TMCC3: variants seen among roughly 807,000 people sequenced by gnomAD.
TMCC3 encodes transmembrane and coiled-coil domain family 3, also known as transmembrane and coiled-coil domain protein 3.
TMCC3 carries 28 observed loss-of-function variants against 40.2 expected under a neutral mutation model. The observed-to-expected ratio is 0.70, with a 90% confidence interval of 0.52 to 0.95. The LOEUF (loss-of-function observed/expected upper bound fraction) is 0.95, where lower values mean the gene tolerates loss of function less well. Ranked by LOEUF, TMCC3 falls within the 40% of genes least tolerant of loss-of-function variation. The pLI is 0.00. For missense variants in TMCC3, 554 were observed against 615.2 expected, an observed-to-expected ratio of 0.90 and a Z score of 1.05; for synonymous variants, 255 against 248.5, an observed-to-expected ratio of 1.03 and a Z score of -0.25.
chr12:94,592,192 C>G (rs895209474), intron 1 of TMCC3, among the ~76,000 whole-genome samples: 4 of 152,150 alleles, frequency 2.6e-5, no homozygotes, highest in Non-Finnish European at 4.4e-5. Context: ...TTTCATAGTT[C>G]AGGTCTGACA....
intron 1 of TMCC3, among the ~76,000 whole-genome samples, chr12:94,592,819 A>G (rs563869350): frequency 5.3e-5 from 8 of 152,056 alleles, no homozygotes; most frequent in African/African-American, 1.4e-4. Context: ...AGTGTAAAGG[A>G]GATTAGGCAG....
intron 1 of TMCC3, among the ~76,000 whole-genome samples, chr12:94,630,737 T>C (rs1432257590): frequency 6.6e-6 from 1 of 152,184 alleles, no homozygotes; most frequent in Non-Finnish European, 1.5e-5. Flanking sequence ...TTTTGTTTTG[T>C]TTTGTTTTTG....
chr12:94,629,347 G>A (rs1401080291), intron 1 of TMCC3, among the ~76,000 whole-genome samples: 1 of 152,184 alleles, frequency 6.6e-6, no homozygotes, highest in Non-Finnish European at 1.5e-5. Context: ...GGTGGACTCT[G>A]GGGGAGTTCT....
intron 1 of TMCC3, among the ~76,000 whole-genome samples, chr12:94,625,277 AACGATAACACTG>A (rs2068897882): frequency 6.6e-6 from 1 of 151,818 alleles, no homozygotes; most frequent in South Asian, 2.1e-4. Flanking sequence ...ACACAGGTCA[AACGATAACACTG>A]ACTTTAATAG....
chr12:94,601,285 C>T (rs1016569693), intron 1 of TMCC3, among the ~76,000 whole-genome samples: 6 of 152,024 alleles, frequency 3.9e-5, no homozygotes, highest in Non-Finnish European at 4.4e-5. Context: ...GAGGCTGAGG[C>T]GGGCAGATCA....
rs1407882301 is a variant in TMCC3 at position 94,568,394 on chromosome 12, T to C, written c.*3041A>G. The C allele has an allele frequency of 1.3e-5, 2 of 152,046 alleles. No homozygotes were observed. The allele number at this position is 152,046 out of a possible 1,614,324, so 9.4% of individuals were successfully genotyped here. ...ATAAACCCAGTGCTAGAATCCAATG[T>C]CCAGCATCTTCAACCACTCAGGAGT... is the stretch of plus-strand genomic sequence containing the variant. On this transcript the variant is annotated 3_prime_UTR_variant, in exon 4 of 4. Coordinates refer to ENST00000261226, the MANE Select transcript of TMCC3 (RefSeq NM_020698.4).
At chr12:94,579,745 C>T (rs184118431) in intron 2 of TMCC3, among the ~76,000 whole-genome samples, 1 of 152,310 alleles carries the variant, frequency 6.6e-6, no homozygotes, top group Admixed American at 6.5e-5. Flanking sequence ...AATGCTGCTA[C>T]TGCTGTGAAT....
chr12:94,626,517 CTT>C (rs2068904966), intron 1 of TMCC3, among the ~76,000 whole-genome samples: 1 of 152,230 alleles, frequency 6.6e-6, no homozygotes, highest in South Asian at 2.1e-4. Flanking sequence ...AAAAGTCCTG[CTT>C]TCTGTTGAAA....
chr12:94,648,011 TA>T (rs370870430), intron 1 of TMCC3, among the ~76,000 whole-genome samples: 2 of 152,300 alleles, frequency 1.3e-5, no homozygotes, highest in African/African-American at 4.8e-5. Context: ...AGCATCACTG[TA>T]GTAGAATTTG....
chr12:94,582,372 A>T lies in TMCC3; in HGVS notation c.245T>A (p.Ile82Lys), dbSNP rs2068609591. The T allele has an allele frequency of 4.3e-6, 7 of 1,613,694 alleles. No homozygotes were observed. Among genetic ancestry groups the T allele is most frequent in the Non-Finnish European group, 5.9e-6 (7 of 1,179,970 alleles). ...KQKILKVTEQ[I>K]KIEQTSRDGN... is the part of the protein sequence containing the mutation. ...ATCGCGCGATGTTTGCTCAATTTTT[A>T]TCTGCTCTGTTACCTTTAGAATTTT... Residue 82 changes from isoleucine (I) to lysine (K), a missense_variant, in exon 2 of 4, where the codon ATA becomes AAA. By Grantham distance (102) the Ile-to-Lys change is moderately radical. Coordinates refer to ENST00000261226, the MANE Select transcript of TMCC3 (RefSeq NM_020698.4).
At chr12:94,580,260 C>T (rs1328095872) in intron 2 of TMCC3, among the ~76,000 whole-genome samples, 1 of 152,168 alleles carries the variant, frequency 6.6e-6, no homozygotes, top group Non-Finnish European at 1.5e-5. Context: ...TTTGGGCTTA[C>T]ACACTTTGTG....
chr12:94,639,717 C>A, intron 1 of TMCC3, among the ~76,000 whole-genome samples: 1 of 97,988 alleles, frequency 1.0e-5, no homozygotes, highest in Non-Finnish European at 2.1e-5. Context: ...TGAAACCAGG[C>A]CAGAAAAAAA....
intron 1 of TMCC3, chr12:94,616,377 T>C (rs928690641): frequency 1.3e-5 from 2 of 152,276 alleles, no homozygotes; most frequent in African/African-American, 4.8e-5. Context: ...ATGCCAGCAG[T>C]GGACTGGGCA....
intron 1 of TMCC3, among the ~76,000 whole-genome samples, chr12:94,637,234 C>A (rs2068965197): frequency 2.0e-5 from 3 of 152,080 alleles, no homozygotes; most frequent in South Asian, 4.1e-4. Flanking sequence ...ATCTATTGTA[C>A]TATAGTTACA....
intron 1 of TMCC3, among the ~76,000 whole-genome samples, chr12:94,646,436 T>C (rs1383931516): frequency 1.4e-5 from 2 of 141,246 alleles, no homozygotes; most frequent in Non-Finnish European, 3.1e-5. Context: ...CACACCTTTT[T>C]TTTTTTTTTT....
Position 94,601,551 on chromosome 12 carries a change from G to A in TMCC3, c.79-19013C>T, listed in dbSNP as rs553559617. Among the ~76,000 whole-genome samples, 601 of 151,538 alleles carry A rather than the reference G, an allele frequency of 4.0e-3. 2 individuals are homozygous for A. Among genetic ancestry groups the A allele is most frequent in the Non-Finnish European group, 6.8e-3 (462 of 67,902 alleles). The stretch of plus-strand genomic sequence containing the variant: ...CAAAAAACAAAAAAGAAGGCTGGGC[G>A]CAGTGACTCATTCCTGTAATCCCAA... On this transcript the variant is annotated intron_variant, in intron 1 of 3. Coordinates refer to ENST00000261226, the MANE Select transcript of TMCC3 (RefSeq NM_020698.4).
intron 2 of TMCC3, among the ~76,000 whole-genome samples, chr12:94,580,690 G>A (rs1381682957): frequency 7.2e-5 from 11 of 152,106 alleles, no homozygotes; most frequent in African/African-American, 2.4e-4. Flanking sequence ...AGCCAAGATC[G>A]CACCACTGCA....
chr12:94,644,928 A>T (rs1280500045), intron 1 of TMCC3, among the ~76,000 whole-genome samples: 2 of 152,216 alleles, frequency 1.3e-5, no homozygotes, highest in African/African-American at 4.8e-5. Context: ...ACACTTGAAG[A>T]TATACTACAG....
Position 94,582,738 on chromosome 12 carries a change from G to A in TMCC3, c.79-200C>T, listed in dbSNP as rs1024970666. On this transcript the variant is annotated intron_variant, in intron 1 of 3. Transcript: ENST00000261226. ...TCCTTCCTGCATCCATCTACACTAA[G>A]TAGCTGTGAGATTCAGATCTCCCAG... Among the ~76,000 whole-genome samples the A allele has an allele frequency of 1.6e-4, 24 of 152,226 alleles. 1 individual carries two copies. Among genetic ancestry groups the A allele is most frequent in the Admixed American group, 7.8e-4 (12 of 15,288 alleles).
Sources: allele counts gnomAD v4.1 joint callset (sites outside exome capture counted in the v4.1 genomes callset), GRCh38; gene constraint gnomAD v4.1.1; transcripts MANE v1.5; gene names NCBI Gene and HGNC (gene_info 2026-07-23, HGNC 2026-07-21).